The following CA1 variants were observed in gnomAD, a reference collection of about 807,000 sequenced individuals.
CA1 encodes the protein carbonate dehydratase I.
CA1 carries 27 observed loss-of-function variants against 28.8 expected under a neutral mutation model. The ratio of observed to expected loss-of-function variants is 0.94; its 90% CI spans 0.69 to 1.29. The LOEUF (loss-of-function observed/expected upper bound fraction) is 1.29, where lower values mean the gene tolerates loss of function less well. Among genes scored for constraint, CA1 ranks in the 50% most tolerant of loss-of-function variants. The pLI, the probability that CA1 is intolerant of heterozygous loss-of-function variation, is 0.00. For missense variants in CA1, 335 were observed against 310.5 expected (o/e 1.08, Z -0.59); for synonymous variants, 121 against 108.8 (o/e 1.11, Z -0.70).
chr8:85,339,015 C>T (rs966922519), intron 2 of CA1, among the ~76,000 whole-genome samples: 1 of 151,974 alleles, frequency 6.6e-6, no homozygotes, highest in South Asian at 2.1e-4. Flanking sequence ...TGCACCCGGC[C>T]CCTTTTCTAT....
intron 1 of CA1, among the ~76,000 whole-genome samples, chr8:85,346,897 T>C (rs1255255853): frequency 6.6e-6 from 1 of 152,210 alleles, no homozygotes; most frequent in African/African-American, 2.4e-5. Flanking sequence ...ATATTGCATG[T>C]GGCCTGAAAT....
At chr8:85,341,810 TA>T (rs1371272410) in intron 1 of CA1, 151 bp from the exon 2 acceptor site, 123 of 549,886 alleles carry the variant, frequency 2.2e-4, no homozygotes, top group Middle Eastern at 3.3e-4. Flanking sequence ...TACACATATC[TA>T]AAAAAAAGGT....
intron 1 of CA1, among the ~76,000 whole-genome samples, chr8:85,373,252 T>C (rs1442096667): frequency 6.6e-6 from 1 of 152,202 alleles, no homozygotes; most frequent in Non-Finnish European, 1.5e-5. Flanking sequence ...ATAGAAAACA[T>C]GTTTTGATAA....
At chr8:85,358,856 A>G (rs1431252468) in intron 1 of CA1, among the ~76,000 whole-genome samples, 2 of 152,248 alleles carry the variant, frequency 1.3e-5, no homozygotes, top group East Asian at 3.9e-4. Context: ...CAGCTGTCCC[A>G]GCTGAAATTC....
chr8:85,349,780 A>T (rs1472651159), intron 1 of CA1: 1 of 152,220 alleles, frequency 6.6e-6, no homozygotes, highest in African/African-American at 2.4e-5. Flanking sequence ...TAGCTGGTGA[A>T]TGCATATTCT....
intron 1 of CA1, among the ~76,000 whole-genome samples, chr8:85,363,524 T>C (rs1444336530): frequency 6.6e-6 from 1 of 152,212 alleles, no homozygotes; most frequent in Non-Finnish European, 1.5e-5. Flanking sequence ...GTGTGTTGGT[T>C]ACTGTTGCCA....
intron 6 of CA1, among the ~76,000 whole-genome samples, chr8:85,330,737 A>G (rs1400681578): frequency 6.6e-6 from 1 of 152,144 alleles, no homozygotes; most frequent in African/African-American, 2.4e-5. Flanking sequence ...TTCACCTTTA[A>G]CTAGTTAATA....
intron 1 of CA1, among the ~76,000 whole-genome samples, chr8:85,372,234 C>T (rs1810255874): frequency 6.6e-6 from 1 of 151,994 alleles, no homozygotes; most frequent in Non-Finnish European, 1.5e-5. Flanking sequence ...TTGGGAGGCC[C>T]TCTTTAAAAA....
intron 1 of CA1, among the ~76,000 whole-genome samples, chr8:85,359,034 G>C (rs1374439071): frequency 6.6e-6 from 1 of 152,252 alleles, no homozygotes; most frequent in Non-Finnish European, 1.5e-5. Context: ...CCGAGGCATA[G>C]TGAGCAGGTG....
chr8:85,340,974 C>G (rs1232686155), intron 2 of CA1: 1 of 152,440 alleles, frequency 6.6e-6, no homozygotes, highest in Non-Finnish European at 1.5e-5. Context: ...GGAACCCCAT[C>G]TCTACTAAAA....
Position 85,338,542 on chromosome 8 carries a change from G to T in CA1, c.38-93C>A, listed in dbSNP as rs1330176717. 3.2e-6 allele frequency: 3 copies of T among 947,166 alleles called. No individual in the cohort carries two copies. The East Asian group carries it at 7.2e-5, about 23-fold the overall frequency. The allele number at this position is 947,166 out of a possible 1,614,324, so 58.7% of individuals were successfully genotyped here. A position where few individuals can be genotyped will look rare whatever the true frequency, so the allele number is the denominator to read the frequency against. On this transcript the variant is annotated intron_variant, in intron 2 of 7. Coordinates refer to ENST00000523022, the MANE Select transcript of CA1 (RefSeq NM_001128831.4). ...GTTACCTGTTTGCTTATTAGATTAG[G>T]GTTTATTTCAGTGTATTAAATGATA... is the stretch of plus-strand genomic sequence containing the variant.
chr8:85,363,534 A>G (rs936757492), intron 1 of CA1, among the ~76,000 whole-genome samples: 11 of 152,280 alleles, frequency 7.2e-5, no homozygotes, highest in Non-Finnish European at 1.3e-4. Flanking sequence ...TACTGTTGCC[A>G]TCCTTATCAA....
intron 1 of CA1, among the ~76,000 whole-genome samples, chr8:85,358,138 G>A (rs1809666707): frequency 6.6e-6 from 1 of 152,118 alleles, no homozygotes; most frequent in South Asian, 2.1e-4. Flanking sequence ...GGTGGGCAGT[G>A]GTAAGGGCAG....
At chr8:85,365,977 G>A (rs75333883) in intron 1 of CA1, among the ~76,000 whole-genome samples, 2,341 of 152,212 alleles carry the variant, frequency 0.015, 28 homozygotes, top group South Asian at 0.049. Context: ...CTGAGTGGGT[G>A]CAATCAATGA....
chr8:85,345,589 A>C (rs1379991815), intron 1 of CA1, among the ~76,000 whole-genome samples: 1 of 152,184 alleles, frequency 6.6e-6, no homozygotes, highest in Non-Finnish European at 1.5e-5. Flanking sequence ...AGAATAATTA[A>C]ATGGTCATTT....
In CA1 at chr8:85,332,538, G is replaced by T; in HGVS notation, c.465C>A (p.Asn155Lys). 1 of 1,612,806 alleles carries T rather than the reference G, an allele frequency of 6.2e-7. No individual in the cohort carries two copies. The highest frequency in any genetic ancestry group is 1.7e-4 in the Middle Eastern group (1 of 6,024). Residue 155 changes from asparagine to lysine, a missense_variant, in exon 6 of 8, where the codon AAC becomes AAA. Transcript: ENST00000523022. ...IGVLMKVGEA[N>K]PKLQKVLDAL... ...CATCAAGTACTTTCTGCAGCTTTGG[G>T]TTGGCCTCACCAACCTGGAGATTTA...
chr8:85,332,446 A>T (rs976024101), intron 6 of CA1, 44 bp downstream of exon 6: 131 of 1,433,692 alleles, frequency 9.1e-5, no homozygotes, highest in Non-Finnish European at 1.3e-4. Context: ...ATAGATCTGT[A>T]AATTCTTGTT....
intron 1 of CA1, among the ~76,000 whole-genome samples, chr8:85,374,206 T>C (rs944023088): frequency 1.3e-5 from 2 of 152,096 alleles, no homozygotes; most frequent in Non-Finnish European, 2.9e-5. Flanking sequence ...ATATCAAAAA[T>C]ATCACAAAAT....
intron 1 of CA1, among the ~76,000 whole-genome samples, chr8:85,367,595 A>G (rs1376337993): frequency 6.6e-6 from 1 of 152,216 alleles, no homozygotes; most frequent in African/African-American, 2.4e-5. Context: ...TAAAATACAG[A>G]TTGCCCAGCC....
Sources: allele counts gnomAD v4.1 joint callset (sites outside exome capture counted in the v4.1 genomes callset), GRCh38; gene constraint gnomAD v4.1.1; transcripts MANE v1.5; gene names NCBI Gene and HGNC (gene_info 2026-07-23, HGNC 2026-07-21).